The following PCDHGB2 variants were observed in gnomAD, a reference collection of about 807,000 sequenced individuals.
The protein encoded by PCDHGB2 is protocadherin gamma-B2.
In PCDHGB2, 55 loss-of-function variants were observed where a neutral mutation model predicts 59.3. The observed-to-expected ratio is 0.93, with a 90% CI of 0.75 to 1.16. The LOEUF is 1.16. Ranked by LOEUF, PCDHGB2 falls within the 50% of genes most tolerant of loss-of-function variation. PCDHGB2 has a pLI of 0.00. For synonymous variants in PCDHGB2, 516 were observed against 512.0 expected, an observed-to-expected ratio of 1.01 and a Z score of -0.11; for missense variants, 1,228 against 1,198.5, an observed-to-expected ratio of 1.02 and a Z score of -0.36.
intron 1 of PCDHGB2, chr5:141,440,868 T>G (rs1288344051): frequency 3.9e-5 from 6 of 152,150 alleles, no homozygotes; most frequent in Non-Finnish European, 1.5e-5. Context: ...ATCTAGGATG[T>G]GTACAGCGTC....
chr5:141,393,553 A>T (rs377510269), intron 1 of PCDHGB2: 1 of 1,613,928 alleles, frequency 6.2e-7, no homozygotes, highest in African/African-American at 1.3e-5. Context: ...CACCCGATTT[A>T]CCGAGTGAAA....
chr5:141,415,736 T>G, intron 1 of PCDHGB2: 1 of 1,289,978 alleles, frequency 7.8e-7, no homozygotes, highest in South Asian at 1.8e-5. Context: ...TGATGTTTAT[T>G]AAGGTTTTTT....
At position 141,376,322 on chromosome 5, in the gene PCDHGB2, C is replaced by A. The variant is rs750074970; in HGVS notation, c.2421+13766C>A. On this transcript the variant is annotated intron_variant, in intron 1 of 3. Transcript: ENST00000522605. ...GCACTTTGTGGGCGTGGAAGGGGTTCGGGCTTTCCTGCAGACCTATTCCCA... is the reference window on the plus strand; with the variant it reads ...GCACTTTGTGGGCGTGGAAGGGGTTAGGGCTTTCCTGCAGACCTATTCCCA... The A allele has an allele frequency of 9.3e-6, 15 of 1,614,056 alleles. No individual in the cohort carries two copies. The Admixed American group carries it at 1.2e-4, about 13-fold the overall frequency.
chr5:141,404,828 G>T, intron 1 of PCDHGB2: 1 of 1,609,938 alleles, frequency 6.2e-7, no homozygotes, highest in Non-Finnish European at 8.5e-7. Flanking sequence ...CACAGGTGAA[G>T]TGCGCACAGC....
intron 1 of PCDHGB2, chr5:141,384,327 A>G (rs750339599): frequency 2.7e-5 from 43 of 1,613,860 alleles, no homozygotes; most frequent in Non-Finnish European, 3.1e-5. Flanking sequence ...TAGTGACTGC[A>G]CAGGACCACG....
intron 1 of PCDHGB2, chr5:141,394,889 T>C: frequency 6.2e-7 from 1 of 1,613,858 alleles, no homozygotes; most frequent in Non-Finnish European, 8.5e-7. Context: ...TTACACTCTA[T>C]CTCGTGGTGG....
rs752999009 is a variant in PCDHGB2, at chr5:141,409,899, C to T, written c.2421+47343C>T. 4 of 1,613,152 alleles carry T rather than the reference C, an allele frequency of 2.5e-6. No individual in the cohort carries two copies. The East Asian group carries it at 8.9e-5, about 36-fold the overall frequency. ...AACGCACCGCGGGTGCTGTACCCAG[C>T]TCTGGGTCCTGACGGCTCCGCGTTC... On this transcript the variant is annotated intron_variant, in intron 1 of 3. Coordinates refer to ENST00000522605, the MANE Select transcript of PCDHGB2 (RefSeq NM_018923.3).
intron 1 of PCDHGB2, among the ~76,000 whole-genome samples, chr5:141,444,012 G>T (rs1355186604): frequency 1.3e-5 from 2 of 152,058 alleles, no homozygotes; most frequent in African/African-American, 4.8e-5. Flanking sequence ...CTGGGTATTG[G>T]CTTCTAAAAG....
intron 1 of PCDHGB2, chr5:141,422,968 C>A (rs766010601): frequency 6.2e-7 from 1 of 1,614,240 alleles, no homozygotes; most frequent in Non-Finnish European, 8.5e-7. Context: ...GCTGGCGCCC[C>A]GCTCTGCGGA....
At chr5:141,510,917 C>G in intron 3 of PCDHGB2, 30 bp from the exon 4 acceptor site, 1 of 1,613,854 alleles carries the variant, frequency 6.2e-7, no homozygotes, top group Non-Finnish European at 8.5e-7. Flanking sequence ...CTAAGTTTAG[C>G]TCCCACCTGA....
At chr5:141,465,032 A>C (rs2154568703) in intron 1 of PCDHGB2, among the ~76,000 whole-genome samples, 1 of 151,870 alleles carries the variant, frequency 6.6e-6, no homozygotes, top group Admixed American at 6.6e-5. Context: ...ATGAACCACC[A>C]CAAATGACCC....
intron 1 of PCDHGB2, among the ~76,000 whole-genome samples, chr5:141,438,620 A>G (rs2098023964): frequency 1.0e-4 from 4 of 39,044 alleles, no homozygotes; most frequent in African/African-American, 8.0e-4. Flanking sequence ...ATATATATAT[A>G]TATATATATA....
At chr5:141,398,328 C>G in intron 1 of PCDHGB2, 7 of 1,353,010 alleles carry the variant, frequency 5.2e-6, no homozygotes, top group Non-Finnish European at 7.2e-6. Context: ...GAAAACTGCG[C>G]GTCAGTTCGG....
Position 141,431,442 on chromosome 5 carries a change from T to G in PCDHGB2, c.2422-63365T>G. 6.2e-7 allele frequency: 1 copy of G among 1,613,746 alleles called. No individual in the cohort carries two copies. The highest frequency in any genetic ancestry group is 1.7e-5 in the Admixed American group (1 of 60,014). The stretch of plus-strand genomic sequence containing the variant: ...CCGGTGCGCACAGGCACCGCGCGCA[T>G]CCGCGTGATGGTTCTGGATGCGAAC... On this transcript the variant is annotated intron_variant, in intron 1 of 3. Coordinates refer to ENST00000522605, the MANE Select transcript of PCDHGB2 (RefSeq NM_018923.3). This position sits in a 1 kb window ranked among gnomAD's most constrained non-coding sequence, Gnocchi z 4.8.
chr5:141,475,867 G>A (rs2099377217), intron 1 of PCDHGB2: 1 of 504,884 alleles, frequency 2.0e-6, no homozygotes, highest in Non-Finnish European at 3.5e-6. Flanking sequence ...CTCATTCTTC[G>A]TGCAGTTATT....
chr5:141,501,290 T>TACACATAC (rs1224133816), intron 2 of PCDHGB2, among the ~76,000 whole-genome samples: 1,510 of 136,196 alleles, frequency 0.011, 8 homozygotes, highest in Admixed American at 0.014. Flanking sequence ...TATTCCCTTA[T>TACACATAC]ACACACACAC....
intron 1 of PCDHGB2, chr5:141,376,132 A>T: frequency 6.2e-7 from 1 of 1,613,498 alleles, no homozygotes; most frequent in Non-Finnish European, 8.5e-7. Context: ...CCTCCGCCAA[A>T]CCCAACGATT....
rs2099884522 is a variant in PCDHGB2, at chr5:141,512,941, T to C, written c.*1768T>C. On this transcript the variant is annotated 3_prime_UTR_variant, in exon 4 of 4. Transcript: ENST00000522605. ...CTAATATTTATATGGCTTTTTTTCT[T>C]CGACAAAAAAATAATAAAACGTTTC... The C allele has an allele frequency of 6.6e-6, 1 of 151,892 alleles. No individual in the cohort carries two copies. The highest frequency in any genetic ancestry group is 6.6e-5 in the Admixed American group (1 of 15,236). The allele number at this position is 151,892 out of a possible 1,614,324, so 9.4% of individuals were successfully genotyped here.
At chr5:141,365,346 A>C (rs2149875174) in intron 1 of PCDHGB2, 1 of 1,613,970 alleles carries the variant, frequency 6.2e-7, no homozygotes, top group East Asian at 2.2e-5. Flanking sequence ...ACAGTACAGG[A>C]CGTGAATGAC....
Sources: gnomAD v4.1 joint callset for allele counts (sites outside exome capture counted in the v4.1 genomes callset) on GRCh38, gnomAD v4.1.1 for gene constraint, Gnocchi (gnomAD v3.1) non-coding constraint, MANE v1.5 for transcripts, NCBI Gene and HGNC (gene_info 2026-07-23, HGNC 2026-07-21) for gene names.